ATG3: variants seen among roughly 807,000 people sequenced by gnomAD.
The protein encoded by ATG3 is ubiquitin-like-conjugating enzyme ATG3.
Under a neutral mutation model 50.7 loss-of-function variants are expected in ATG3, and 25 were observed. The observed-to-expected ratio is 0.49, with a 90% CI of 0.36 to 0.69. The LOEUF (loss-of-function observed/expected upper bound fraction) is 0.69, where lower values mean the gene tolerates loss of function less well. ATG3 is among the 30% of genes least tolerant of loss of function. ATG3 has a pLI of 0.00. For synonymous variants in ATG3, 119 were observed against 125.5 expected (o/e 0.95, Z 0.34); for missense variants, 281 against 376.0 (o/e 0.75, Z 2.09).
intron 1 of ATG3, 89 bp downstream of exon 1, chr3:112,561,359 CCTTGCCCCG>C: frequency 7.7e-7 from 1 of 1,302,968 alleles, no homozygotes. Context: ...CCTTCCTACA[CCTTGCCCCG>C]CCGGAGAAAG....
At chr3:112,534,533 T>A (rs1179213705) in intron 10 of ATG3, 196 bp from the exon 11 acceptor site, 2 of 327,070 alleles carry the variant, frequency 6.1e-6, no homozygotes, top group African/African-American at 4.3e-5. Context: ...TTATAAAATA[T>A]CTCCCCTCCA....
intron 3 of ATG3, among the ~76,000 whole-genome samples, chr3:112,552,845 A>G (rs1172435226): frequency 6.6e-6 from 1 of 151,830 alleles, no homozygotes; most frequent in East Asian, 1.9e-4. Flanking sequence ...GATGGGTTTC[A>G]CCATGTTAGC....
intron 10 of ATG3, 195 bp downstream of exon 10, chr3:112,536,280 C>G: frequency 3.4e-6 from 2 of 580,420 alleles, no homozygotes; most frequent in Non-Finnish European, 5.6e-6. Flanking sequence ...AAACTTAAAA[C>G]AAATTGGTAA....
intron 3 of ATG3, among the ~76,000 whole-genome samples, chr3:112,551,821 G>GA (rs908421402): frequency 1.0e-3 from 155 of 149,832 alleles, no homozygotes; most frequent in Admixed American, 2.8e-3. Flanking sequence ...AATACAGAAA[G>GA]AAAAAAAAAC....
intron 7 of ATG3, 102 bp downstream of exon 7, chr3:112,541,701 T>C (rs898324961): frequency 2.9e-6 from 3 of 1,034,934 alleles, no homozygotes; most frequent in Middle Eastern, 2.1e-4. Flanking sequence ...GGCTGCTAAA[T>C]GCTAAACTTA....
intron 5 of ATG3, among the ~76,000 whole-genome samples, chr3:112,547,202 G>A (rs1462199007): frequency 6.6e-6 from 1 of 152,202 alleles, no homozygotes; most frequent in Non-Finnish European, 1.5e-5. Flanking sequence ...AGTGGTTACA[G>A]GCCAGAGATA....
chr3:112,553,751 T>A (rs183474871), intron 2 of ATG3, among the ~76,000 whole-genome samples: 1,718 of 152,170 alleles, frequency 0.011, 24 homozygotes, highest in Non-Finnish European at 0.019. Context: ...CTGAAAAAAA[T>A]TACTAAATAG....
At position 112,536,610 on chromosome 3, in the gene ATG3, C is replaced by A. The variant is rs746184314; in HGVS notation, c.667-8G>T. 1.2e-6 allele frequency: 2 copies of A among 1,612,116 alleles called. No individual in the cohort carries two copies. The highest frequency in any genetic ancestry group is 1.1e-5 in the South Asian group (1 of 91,068). Reference sequence around the variant, plus strand: ...TGTTAAAGGCTGCCGTTGCTGAAAGCATAAAAAATGCTTTGAAATTACTAT... The same window carrying A: ...TGTTAAAGGCTGCCGTTGCTGAAAGAATAAAAAATGCTTTGAAATTACTAT... On this transcript the variant is annotated splice_region_variant and splice_polypyrimidine_tract_variant and intron_variant, in intron 9 of 11. Coordinates refer to ENST00000283290, the MANE Select transcript of ATG3 (RefSeq NM_022488.5).
At position 112,541,888 on chromosome 3, in the gene ATG3, T is replaced by C; in HGVS notation, c.394-4A>G. On this transcript the variant is annotated splice_region_variant and splice_polypyrimidine_tract_variant and intron_variant, in intron 6 of 11. Coordinates refer to ENST00000283290, the MANE Select transcript of ATG3 (RefSeq NM_022488.5). Reference sequence around the variant, plus strand: ...AATCTTGAAGCCTTATATTGTCCTTTGAAATTAATTATATTTAAAATCACT... The same window carrying C: ...AATCTTGAAGCCTTATATTGTCCTTCGAAATTAATTATATTTAAAATCACT... 6.2e-7 allele frequency: 1 copy of C among 1,602,094 alleles called. No homozygotes were observed. The highest frequency in any genetic ancestry group is 1.7e-4 in the Middle Eastern group (1 of 6,030).
rs72940024 is a variant in ATG3, at chr3:112,543,099, G to A, written c.393+958C>T. 8.7e-3 allele frequency among the ~76,000 whole-genome samples: 1,327 copies of A among 151,664 alleles called. 15 individuals carry two copies. The highest frequency in any genetic ancestry group is 0.03 in the African/African-American group (1,260 of 41,390). Reference sequence around the variant, plus strand: ...CTTCGTTTCTATCACTTTCTGTTAAGCCCCAGTAACAAATCTAGAAAGATC... The same window carrying A: ...CTTCGTTTCTATCACTTTCTGTTAAACCCCAGTAACAAATCTAGAAAGATC... On this transcript the variant is annotated intron_variant, in intron 6 of 11. Coordinates refer to ENST00000283290, the MANE Select transcript of ATG3 (RefSeq NM_022488.5).
intron 10 of ATG3, chr3:112,534,761 T>A (rs1311284174): frequency 2.6e-5 from 3 of 114,996 alleles, no homozygotes; most frequent in Admixed American, 1.0e-4. Flanking sequence ...GAAACAAGAG[T>A]CATATCAGGC....
intron 1 of ATG3, among the ~76,000 whole-genome samples, chr3:112,560,999 C>T (rs1177381428): frequency 1.3e-5 from 2 of 152,190 alleles, no homozygotes; most frequent in African/African-American, 4.8e-5. Context: ...GTCACAACTT[C>T]CCCACTACAG....
chr3:112,537,050 T>A (rs944537726), intron 9 of ATG3, among the ~76,000 whole-genome samples: 5 of 151,698 alleles, frequency 3.3e-5, no homozygotes, highest in Non-Finnish European at 5.9e-5. Flanking sequence ...AATTTAGAAT[T>A]CTAGACTGTT....
Position 112,558,376 on chromosome 3 carries a change from C to T in ATG3, c.114G>A (p.Glu38=). Residue 38 remains glutamate (E), a splice_region_variant and synonymous_variant, in exon 2 of 12, where the codon GAG becomes GAA. Coordinates refer to ENST00000283290, the MANE Select transcript of ATG3 (RefSeq NM_022488.5). ...FKETGVITPE[E]FVAAGDHLVH... ...ACTTCAGTATATCTTCAGCACTCAC[C>T]TCTTCTGGGGTAATTACACCTGTTT... The T allele has an allele frequency of 6.2e-7, 1 of 1,604,830 alleles. No individual in the cohort carries two copies. The highest frequency in any genetic ancestry group is 8.5e-7 in the Non-Finnish European group (1 of 1,172,618).
chr3:112,548,494 A>G, intron 5 of ATG3, 39 bp downstream of exon 5: 1 of 1,498,388 alleles, frequency 6.7e-7, no homozygotes, highest in Non-Finnish European at 9.3e-7. Flanking sequence ...GAAAGAGTTT[A>G]ATTTAAACTA....
In ATG3 at chr3:112,533,727, G is replaced by T. The variant is rs117648839; in HGVS notation, c.863+542C>A. ...CAACAGTTTGCTTGGGCATTAACTT[G>T]AATGTATTACTTTTGTCAATCCAAG... On this transcript the variant is annotated intron_variant, in intron 11 of 11. Coordinates refer to ENST00000283290, the MANE Select transcript of ATG3 (RefSeq NM_022488.5). The T allele has an allele frequency of 5.4e-5, 53 of 985,342 alleles. No homozygotes were observed. In the East Asian group the frequency reaches 5.2e-3, roughly 97 times the overall value. 61.0% of individuals were successfully genotyped at this position (985,342 alleles called of 1,614,324 possible).
chr3:112,533,046 A>G (rs1400714851), intron 11 of ATG3: 3 of 1,088,566 alleles, frequency 2.8e-6, no homozygotes, highest in Non-Finnish European at 3.4e-6. Flanking sequence ...TTTGACATAA[A>G]AAGGACAAAG....
At position 112,532,692 on chromosome 3, in the gene ATG3, C is replaced by G; in HGVS notation, c.*7G>C. On this transcript the variant is annotated 3_prime_UTR_variant, in exon 12 of 12. Transcript: ENST00000283290. The stretch of plus-strand genomic sequence containing the variant: ...CAATAATTAGGATAGATTTTATGCT[C>G]TCTTCATTACATTGTGAAGTGTCTT... 6.4e-7 allele frequency: 1 copy of G among 1,557,166 alleles called. No homozygotes were observed. Among genetic ancestry groups the G allele is most frequent in the Non-Finnish European group, 8.7e-7 (1 of 1,149,376 alleles).
chr3:112,541,793 A>C lies in ATG3; in HGVS notation c.475+10T>G. ...CTAGTGGAACTGAAGCAAATCTAGA[A>C]CAGGAATACCTTCCATATCTGCAGC... On this transcript the variant is annotated intron_variant, in intron 7 of 11. Transcript: ENST00000283290. 6.2e-7 allele frequency: 1 copy of C among 1,602,186 alleles called. No individual in the cohort carries two copies. Among genetic ancestry groups the C allele is most frequent in the Non-Finnish European group, 8.5e-7 (1 of 1,172,316 alleles).
Sources: allele counts gnomAD v4.1 joint callset (sites outside exome capture counted in the v4.1 genomes callset), GRCh38; gene constraint gnomAD v4.1.1; transcripts MANE v1.5; gene names NCBI Gene and HGNC (gene_info 2026-07-23, HGNC 2026-07-21).